LEMD1: variants seen among roughly 807,000 people sequenced by gnomAD.
The protein encoded by LEMD1 is LEM domain containing 1, also known as LEM domain-containing protein 1.
In LEMD1, 18 loss-of-function variants were observed where a neutral mutation model predicts 17.4. The observed-to-expected ratio is 1.04, with a 90% CI of 0.72 to 1.54. LEMD1 has a LOEUF of 1.54. LEMD1 is among the 40% of genes most tolerant of loss of function. The pLI, the probability that LEMD1 is intolerant of heterozygous loss-of-function variation, is 0.00. For synonymous variants in LEMD1, 88 were observed against 77.8 expected (o/e 1.13, Z -0.69); for missense variants, 195 against 210.4 (o/e 0.93, Z 0.45).
At chr1:205,438,927 G>A (rs1440382973) in intron 1 of LEMD1, among the ~76,000 whole-genome samples, 2 of 151,958 alleles carry the variant, frequency 1.3e-5, no homozygotes, top group South Asian at 2.1e-4. Flanking sequence ...TCGGCCACCC[G>A]CTCCCCAGGA....
intron 4 of LEMD1, among the ~76,000 whole-genome samples, chr1:205,414,167 T>A (rs979556424): frequency 6.6e-6 from 1 of 152,166 alleles, no homozygotes; most frequent in Non-Finnish European, 1.5e-5. Flanking sequence ...CAAGTTTGCA[T>A]CTTGTTTTGA....
chr1:205,385,568 G>C (rs891497896), intron 4 of LEMD1: 1 of 152,220 alleles, frequency 6.6e-6, no homozygotes, highest in Non-Finnish European at 1.5e-5. Context: ...GCCTGACGCC[G>C]GCTGTGAAGA....
chr1:205,411,329 A>T (rs1225406897), intron 4 of LEMD1, among the ~76,000 whole-genome samples: 1 of 152,018 alleles, frequency 6.6e-6, no homozygotes, highest in South Asian at 2.1e-4. Flanking sequence ...GCACTTTGGG[A>T]GGCCGAGGCG....
intron 4 of LEMD1, chr1:205,386,373 G>A (rs796560760): frequency 4.8e-5 from 7 of 146,908 alleles, no homozygotes; most frequent in East Asian, 2.0e-4. Context: ...GCGCGATCTC[G>A]GCTTACTGCA....
At chr1:205,384,195 TA>T in intron 5 of LEMD1, 92 bp downstream of exon 5, 1 of 705,994 alleles carries the variant, frequency 1.4e-6, no homozygotes, top group Non-Finnish European at 2.1e-6. Context: ...CTTTTCAGGC[TA>T]AACCCTTCAC....
intron 5 of LEMD1, among the ~76,000 whole-genome samples, chr1:205,382,721 G>C (rs779989732): frequency 6.6e-6 from 1 of 152,178 alleles, no homozygotes; most frequent in Non-Finnish European, 1.5e-5. Flanking sequence ...CCAAGTCCTC[G>C]CTGGGAAATT....
chr1:205,414,543 GC>G (rs1665604031), intron 4 of LEMD1, among the ~76,000 whole-genome samples: 1 of 151,970 alleles, frequency 6.6e-6, no homozygotes, highest in Non-Finnish European at 1.5e-5. Flanking sequence ...TCCCACCTCA[GC>G]CCCCCAAGTA....
chr1:205,420,982 G>T (rs1024659190), intron 1 of LEMD1, among the ~76,000 whole-genome samples: 15 of 147,620 alleles, frequency 1.0e-4, no homozygotes, highest in Admixed American at 2.7e-4. Flanking sequence ...TTAAATAAAA[G>T]TTATTTATCC....
intron 3 of LEMD1, 61 bp downstream of exon 3, chr1:205,419,169 T>C: frequency 6.3e-7 from 1 of 1,582,398 alleles, no homozygotes; most frequent in Non-Finnish European, 8.6e-7. Context: ...GCATAAATCA[T>C]GCTGGACAAG....
rs1458834494 is a variant in LEMD1, at chr1:205,448,069, T to A, written c.-39+1799A>T. ...GAAAGCTCAGCACACCCTGAAGGTC[T>A]CCTTCCTTCCTCAGAGGGAATCTCC... On this transcript the variant is annotated intron_variant, in intron 1 of 3. Coordinates refer to the LEMD1 transcript ENST00000367154. The surrounding 1 kb of genome is among the most constrained non-coding windows in gnomAD (Gnocchi z 4.7). Among the ~76,000 whole-genome samples, 3 of 152,160 alleles carry A rather than the reference T, an allele frequency of 2.0e-5. No homozygotes were observed. The highest frequency in any genetic ancestry group is 4.4e-5 in the Non-Finnish European group (3 of 68,032).
intron 4 of LEMD1, among the ~76,000 whole-genome samples, chr1:205,396,015 GT>G (rs146262850): frequency 5.4e-5 from 8 of 148,914 alleles, no homozygotes; most frequent in East Asian, 2.0e-4. Context: ...TGGAGCATTT[GT>G]TTTTTTTTTA....
intron 4 of LEMD1, among the ~76,000 whole-genome samples, chr1:205,413,426 C>T (rs1665543493): frequency 6.6e-6 from 1 of 151,500 alleles, no homozygotes; most frequent in Admixed American, 6.6e-5. Flanking sequence ...GTAGCTGGGA[C>T]CACAGGTGCG....
At chr1:205,406,306 G>A (rs1442623925) in intron 4 of LEMD1, among the ~76,000 whole-genome samples, 1 of 152,254 alleles carries the variant, frequency 6.6e-6, no homozygotes, top group African/African-American at 2.4e-5. Flanking sequence ...CCTGCCCCCA[G>A]AGGTGGAGCC....
intron 1 of LEMD1, among the ~76,000 whole-genome samples, chr1:205,428,212 A>G (rs546007285): frequency 3.7e-4 from 56 of 152,308 alleles, no homozygotes; most frequent in South Asian, 2.7e-3. Context: ...AATGAAACCC[A>G]CATATACCCC....
intron 4 of LEMD1, among the ~76,000 whole-genome samples, chr1:205,402,523 T>G (rs1276591839): frequency 3.9e-5 from 6 of 152,244 alleles, no homozygotes; most frequent in Non-Finnish European, 8.8e-5. Context: ...TGTATAAGAA[T>G]GCTTGTGATT....
rs748953920 is a variant in LEMD1 at position 205,441,204 on chromosome 1, C to A, written c.-39+8664G>T. On this transcript the variant is annotated intron_variant, in intron 1 of 3. Coordinates refer to the LEMD1 transcript ENST00000367154. The surrounding 1 kb of genome is among the most constrained non-coding windows in gnomAD (Gnocchi z 4.3). ...AGGCGGCCCGCTAGGTCTCTCACAC[C>A]GGCTGGGGGAGGAGTCAAGCCTCTA... is the stretch of plus-strand genomic sequence containing the variant. 1 of 152,230 alleles carries A rather than the reference C, an allele frequency of 6.6e-6. No homozygotes were observed. Among genetic ancestry groups the A allele is most frequent in the Admixed American group, 6.5e-5 (1 of 15,270 alleles). 9.4% of individuals were successfully genotyped at this position (152,230 alleles called of 1,614,324 possible).
intron 3 of LEMD1, among the ~76,000 whole-genome samples, chr1:205,418,669 T>C (rs1179970600): frequency 1.3e-5 from 2 of 152,046 alleles, no homozygotes; most frequent in Non-Finnish European, 2.9e-5. Flanking sequence ...GTGCGTGCCA[T>C]CACGCCCAGC....
intron 4 of LEMD1, among the ~76,000 whole-genome samples, chr1:205,401,330 C>T (rs1235326066): frequency 6.6e-6 from 1 of 152,150 alleles, no homozygotes; most frequent in African/African-American, 2.4e-5. Flanking sequence ...AAAAGTGTTC[C>T]TATTTCTCCA....
intron 5 of LEMD1, among the ~76,000 whole-genome samples, chr1:205,382,535 T>G (rs927101333): frequency 6.6e-6 from 1 of 152,102 alleles, no homozygotes; most frequent in Non-Finnish European, 1.5e-5. Flanking sequence ...AGTGCTGGGA[T>G]TACAGGCGTG....
Sources: gnomAD v4.1 joint callset for allele counts (sites outside exome capture counted in the v4.1 genomes callset) on GRCh38, gnomAD v4.1.1 for gene constraint, Gnocchi (gnomAD v3.1) non-coding constraint, MANE v1.5 for transcripts, NCBI Gene and HGNC (gene_info 2026-07-23, HGNC 2026-07-21) for gene names.